Variants in ANKS1B observed in about 807,000 individuals in gnomAD.
ANKS1B encodes the protein ankyrin repeat and sterile alpha motif domain-containing protein 1B.
A neutral mutation model predicts 148.3 loss-of-function variants in ANKS1B; 36 were observed. The observed-to-expected ratio is 0.24, with a 90% CI of 0.19 to 0.32. The LOEUF is 0.32. Ranked by LOEUF, ANKS1B falls within the 10% of genes least tolerant of loss-of-function variation. ANKS1B has a pLI of 1.00. For synonymous variants in ANKS1B, 542 were observed against 560.8 expected (o/e 0.97, Z 0.47); for missense variants, 1,157 against 1,542.6 (o/e 0.75, Z 4.19).
Position 99,332,689 on chromosome 12 carries a change from C to CAA in ANKS1B, c.1756+66940_1756+66941dup, listed in dbSNP as rs56373621. ...TTTTTATAGAGGTGAGCTGAGCTTTCAAAAAAAAAAAAGCTTTTTTTCTTT... is the reference window on the plus strand; with the variant it reads ...TTTTTATAGAGGTGAGCTGAGCTTTCAAAAAAAAAAAAAAGCTTTTTTTCTTT... On this transcript the variant is annotated intron_variant, in intron 12 of 26. Transcript: ENST00000683438. Among the ~76,000 whole-genome samples the CAA allele has an allele frequency of 1.3e-3, 193 of 143,718 alleles. 2 individuals carry two copies. Among genetic ancestry groups the CAA allele is most frequent in the Middle Eastern group, 3.5e-3 (1 of 284 alleles). The allele number at this position is 143,718 out of a possible 152,430, so 94.3% of individuals were successfully genotyped here.
At chr12:99,142,433 T>C (rs902512664) in intron 15 of ANKS1B, among the ~76,000 whole-genome samples, 158 of 152,068 alleles carry the variant, frequency 1.0e-3, no homozygotes, top group African/African-American at 3.6e-3. Context: ...GGCTTGGTTA[T>C]GAAGGGAAGA....
At position 99,154,369 on chromosome 12, in the gene ANKS1B, C is replaced by G. The variant is rs1201142818; in HGVS notation, c.2446G>C (p.Gly816Arg). The G allele has an allele frequency of 3.7e-6, 6 of 1,613,610 alleles. No homozygotes were observed. Among genetic ancestry groups the G allele is most frequent in the East Asian group, 2.2e-5 (1 of 44,866 alleles). The change falls in exon 15 of 27, where the codon GGA (glycine) becomes CGA (arginine). Residue 816 changes from glycine to arginine, a missense_variant. By Grantham distance (125) the Gly-to-Arg change is moderately radical. This residue lies in a region of ANKS1B where 258 missense variants were observed against 497.0 expected (regional missense o/e 0.52). Transcript: ENST00000683438. ...AGCCCAATGCTTTCCAACCATTGTC[C>G]CACTGTTTGGACAGGGCATCTGGGT... The part of the protein sequence containing the change: ...TRPRCPVQTV[G>R]QWLESIGLPQ...
chr12:98,996,163 C>A (rs74712592), intron 17 of ANKS1B, among the ~76,000 whole-genome samples: 4,875 of 152,042 alleles, frequency 0.032, 229 homozygotes, highest in African/African-American at 0.1. Context: ...ATGCTAGTTC[C>A]ACCTTACCAA....
chr12:99,017,826 T>C (rs1048847476), intron 17 of ANKS1B, among the ~76,000 whole-genome samples: 1 of 152,096 alleles, frequency 6.6e-6, no homozygotes, highest in Non-Finnish European at 1.5e-5. Context: ...CAGTGCTGGG[T>C]GATTACCAGA....
At chr12:99,732,153 T>C (rs1002834496) in intron 8 of ANKS1B, among the ~76,000 whole-genome samples, 2 of 152,184 alleles carry the variant, frequency 1.3e-5, no homozygotes, top group African/African-American at 4.8e-5. Flanking sequence ...AGACTGATGA[T>C]ATATATAGCA....
intron 1 of ANKS1B, among the ~76,000 whole-genome samples, chr12:99,877,730 A>T (rs2092209971): frequency 6.6e-6 from 1 of 152,132 alleles, no homozygotes; most frequent in South Asian, 2.1e-4. Context: ...GTTTAGTTGT[A>T]GGTAAAATAA....
chr12:98,947,946 G>A (rs1370829266), intron 17 of ANKS1B, among the ~76,000 whole-genome samples: 1 of 152,042 alleles, frequency 6.6e-6, no homozygotes, highest in African/African-American at 2.4e-5. Context: ...CAACCGGTGT[G>A]AGATATTCTT....
At chr12:99,258,924 G>C (rs1457865347) in intron 12 of ANKS1B, among the ~76,000 whole-genome samples, 1 of 152,152 alleles carries the variant, frequency 6.6e-6, no homozygotes, top group African/African-American at 2.4e-5. Context: ...TACTAGGTAA[G>C]GGGAACCACC....
chr12:99,893,893 C>T (rs533533691), intron 1 of ANKS1B, among the ~76,000 whole-genome samples: 10 of 152,192 alleles, frequency 6.6e-5, no homozygotes, highest in Non-Finnish European at 1.0e-4. Flanking sequence ...CCACCACTGA[C>T]GGGCACCTGG....
intron 12 of ANKS1B, 31 bp from the exon 13 acceptor site, chr12:99,246,895 T>C: frequency 6.6e-7 from 1 of 1,520,610 alleles, no homozygotes; most frequent in Non-Finnish European, 8.8e-7. Flanking sequence ...TATCAGGGTT[T>C]ATAAAGGTTC....
chr12:98,797,148 A>C (rs1302902877), intron 22 of ANKS1B, among the ~76,000 whole-genome samples: 1 of 152,242 alleles, frequency 6.6e-6, no homozygotes, highest in African/African-American at 2.4e-5. Context: ...TTGGTGACAC[A>C]AATTAGGCCA....
At chr12:99,685,266 G>A (rs2098642882) in intron 8 of ANKS1B, among the ~76,000 whole-genome samples, 1 of 152,054 alleles carries the variant, frequency 6.6e-6, no homozygotes, top group Non-Finnish European at 1.5e-5. Context: ...CAAAAAGTGG[G>A]CTAAGGACAT....
intron 8 of ANKS1B, among the ~76,000 whole-genome samples, chr12:99,673,376 AGTAAATCAGATACTTT>A (rs2098547374): frequency 2.0e-5 from 3 of 152,210 alleles, no homozygotes; most frequent in South Asian, 4.1e-4. Flanking sequence ...GACTCTGTTA[AGTAAATCAGATACTTT>A]GTTTTTACAT....
At chr12:99,175,430 T>C (rs2078269767) in intron 14 of ANKS1B, among the ~76,000 whole-genome samples, 1 of 152,240 alleles carries the variant, frequency 6.6e-6, no homozygotes, top group Admixed American at 6.5e-5. Flanking sequence ...GTACACATAG[T>C]CTGAAGGTAA....
chr12:99,812,554 CACACAGAGAG>C lies in ANKS1B; in HGVS notation c.216-253_216-244del, dbSNP rs1344322962. Among the ~76,000 whole-genome samples, 912 of 100,642 alleles carry C rather than the reference CACACAGAGAG, an allele frequency of 9.1e-3. 12 individuals are homozygous for C. The highest frequency in any genetic ancestry group is 0.032 in the African/African-American group (734 of 23,084). 66.0% of individuals were successfully genotyped at this position (100,642 alleles called of 152,430 possible). A position where few individuals can be genotyped will look rare whatever the true frequency, so the allele number is the denominator to read the frequency against. The stretch of plus-strand genomic sequence containing the variant: ...ACACACACACACACACACACACACA[CACACAGAGAG>C]AGAGAGAGAGAGAAAGAGAGCGAGA... On this transcript the variant is annotated intron_variant, in intron 2 of 26. Transcript: ENST00000683438.
chr12:99,347,735 A>G (rs73149188), intron 12 of ANKS1B, among the ~76,000 whole-genome samples: 19,206 of 152,004 alleles, frequency 0.13, 1,279 homozygotes, highest in African/African-American at 0.17. Context: ...TGGGGACAAG[A>G]AGAATCGGAT....
intron 9 of ANKS1B, among the ~76,000 whole-genome samples, chr12:99,608,215 C>T (rs957110990): frequency 3.3e-5 from 5 of 152,056 alleles, no homozygotes; most frequent in African/African-American, 1.2e-4. Flanking sequence ...CTTATCCTAA[C>T]TCAGGAGTCT....
At chr12:99,420,216 C>G (rs1216578980) in intron 11 of ANKS1B, among the ~76,000 whole-genome samples, 1 of 152,086 alleles carries the variant, frequency 6.6e-6, no homozygotes, top group Non-Finnish European at 1.5e-5. Flanking sequence ...GCTATAATTA[C>G]CCAAAATGTC....
chr12:99,107,648 C>T (rs1333012663), intron 15 of ANKS1B, among the ~76,000 whole-genome samples: 5 of 152,162 alleles, frequency 3.3e-5, no homozygotes, highest in African/African-American at 7.2e-5. Flanking sequence ...GCATCAAGAC[C>T]GAGCTATCCA....
Sources: gnomAD v4.1 joint callset for allele counts (sites outside exome capture counted in the v4.1 genomes callset) on GRCh38, gnomAD v4.1.1 for gene constraint, gnomAD v4.1.1 regional missense constraint, MANE v1.5 for transcripts, NCBI Gene and HGNC (gene_info 2026-07-23, HGNC 2026-07-21) for gene names.